CLASP2: variants seen among roughly 807,000 people sequenced by gnomAD.
CLASP2 encodes the protein CLIP-associating protein 2.
Under a neutral mutation model 194.4 loss-of-function variants are expected in CLASP2, and 47 were observed. The ratio of observed to expected loss-of-function variants is 0.24; its 90% CI spans 0.19 to 0.31. CLASP2 has a LOEUF of 0.31. CLASP2 is among the 10% of genes least tolerant of loss of function. The probability of loss-of-function intolerance (pLI) is 1.00; values close to 1 mark genes in which losing one functional copy is unlikely to be tolerated. For synonymous variants in CLASP2, 619 were observed against 633.5 expected (o/e 0.98, Z 0.34); for missense variants, 1,445 against 1,823.6 (o/e 0.79, Z 3.78).
At chr3:33,688,981 C>A (rs961042266) in intron 3 of CLASP2, among the ~76,000 whole-genome samples, 1 of 152,038 alleles carries the variant, frequency 6.6e-6, no homozygotes, top group Non-Finnish European at 1.5e-5. Flanking sequence ...TTTTTACAAA[C>A]GTAAAGCCAA....
chr3:33,653,286 G>C (rs1412394436), intron 7 of CLASP2, among the ~76,000 whole-genome samples: 1 of 151,770 alleles, frequency 6.6e-6, no homozygotes, highest in African/African-American at 2.4e-5. Flanking sequence ...CAAGCCATTA[G>C]AAAAATTTTC....
chr3:33,645,929 T>TATAC (rs893744534), intron 7 of CLASP2, among the ~76,000 whole-genome samples: 1 of 135,118 alleles, frequency 7.4e-6, no homozygotes, highest in Non-Finnish European at 1.6e-5. Flanking sequence ...TCTCCCAGCA[T>TATAC]ACACACACAC....
rs573773228 is a variant in CLASP2 at position 33,628,189 on chromosome 3, T to C, written c.943-1109A>G. Among the ~76,000 whole-genome samples, 6 of 152,254 alleles carry C rather than the reference T, an allele frequency of 3.9e-5. No homozygotes were observed. The East Asian group carries it at 1.2e-3, about 29-fold the overall frequency. The stretch of plus-strand genomic sequence containing the variant: ...GAGAGAAAGAAAGAATGCGTGTAAA[T>C]GCAAAGGAGAACAAGGCATGAGACA... On this transcript the variant is annotated intron_variant, in intron 9 of 38. Transcript: ENST00000682230.
chr3:33,545,002 A>G (rs764331063), intron 30 of CLASP2, 161 bp from the exon 31 acceptor site: 10 of 310,056 alleles, frequency 3.2e-5, no homozygotes, highest in Admixed American at 1.1e-4. Flanking sequence ...CTGGAAGGAT[A>G]AAAAAAAAAT....
intron 7 of CLASP2, among the ~76,000 whole-genome samples, chr3:33,654,150 A>G (rs1461226285): frequency 2.0e-5 from 3 of 152,204 alleles, no homozygotes; most frequent in Non-Finnish European, 2.9e-5. Context: ...ACCTTGCAGA[A>G]TAACAGAGAA....
At chr3:33,572,911 A>ATTT (rs80341372) in intron 25 of CLASP2, among the ~76,000 whole-genome samples, 199 bp downstream of exon 25, 12 of 139,534 alleles carry the variant, frequency 8.6e-5, no homozygotes, top group African/African-American at 3.1e-4. Flanking sequence ...AGAACAAATA[A>ATTT]TTTTTTTTTT....
Position 33,592,501 on chromosome 3 carries a change from G to T in CLASP2, c.1967-5C>A. 1.9e-6 allele frequency: 3 copies of T among 1,600,378 alleles called. No individual in the cohort carries two copies. The highest frequency in any genetic ancestry group is 2.6e-6 in the Non-Finnish European group (3 of 1,170,370). On this transcript the variant is annotated splice_region_variant and splice_polypyrimidine_tract_variant and intron_variant, in intron 20 of 38. Coordinates refer to ENST00000682230, the MANE Select transcript of CLASP2 (RefSeq NM_001365631.1). ...AAAGTTTTGCTCTCACCCGGCCTGA[G>T]AAATAAAATATTTACATAATTAAAA...
At chr3:33,558,024 A>G (rs937660048) in intron 29 of CLASP2, among the ~76,000 whole-genome samples, 4 of 152,214 alleles carry the variant, frequency 2.6e-5, no homozygotes, top group African/African-American at 9.6e-5. Context: ...ATGAGACTAG[A>G]AATCATCCCC....
intron 30 of CLASP2, among the ~76,000 whole-genome samples, chr3:33,548,024 C>T (rs1368972085): frequency 1.3e-5 from 2 of 152,026 alleles, no homozygotes. Flanking sequence ...AATCCACCTG[C>T]CTCAGCCTCC....
chr3:33,567,700 T>C (rs749510346), intron 26 of CLASP2, among the ~76,000 whole-genome samples: 9 of 152,232 alleles, frequency 5.9e-5, no homozygotes, highest in Non-Finnish European at 1.3e-4. Context: ...GTTTTACAGA[T>C]TAATAATTAA....
chr3:33,682,536 C>T (rs2090011758), intron 6 of CLASP2, among the ~76,000 whole-genome samples: 1 of 151,986 alleles, frequency 6.6e-6, no homozygotes, highest in African/African-American at 2.4e-5. Flanking sequence ...TTAAAAAATT[C>T]CTTTAGTGAA....
intron 6 of CLASP2, among the ~76,000 whole-genome samples, chr3:33,678,512 GTTTTC>G (rs1206954494): frequency 6.6e-6 from 1 of 152,000 alleles, no homozygotes; most frequent in Non-Finnish European, 1.5e-5. Flanking sequence ...ATTCTTTTTA[GTTTTC>G]TTTTCTACCA....
In CLASP2 at chr3:33,622,240, T is replaced by C. The variant is rs1460264982; in HGVS notation, c.1076A>G (p.Gln359Arg). The C allele has an allele frequency of 1.9e-6, 3 of 1,561,692 alleles. No individual in the cohort carries two copies. The highest frequency in any genetic ancestry group is 2.6e-6 in the Non-Finnish European group (3 of 1,154,116). Reference protein sequence around the residue: ...IRSLLVAGAAQYDCFFQHLRL... With the variant: ...IRSLLVAGAARYDCFFQHLRL... ...TAAATGTTGAAAAAAGCAATCATAC[T>C]GTGCAGCTCCAGCAACAAGCAGTGA... The change falls in exon 11 of 39, where the codon CAG becomes CGG. Residue 359 changes from glutamine to arginine, a missense_variant. By Grantham distance (43) the Gln-to-Arg change is conservative. This residue lies in a region of CLASP2 where 207 missense variants were observed against 331.4 expected (regional missense o/e 0.62). Coordinates refer to ENST00000682230, the MANE Select transcript of CLASP2 (RefSeq NM_001365631.1).
intron 27 of CLASP2, among the ~76,000 whole-genome samples, chr3:33,566,056 C>A (rs1040357725): frequency 3.2e-4 from 49 of 152,180 alleles, no homozygotes; most frequent in African/African-American, 1.1e-3. Flanking sequence ...CATTCATTAT[C>A]CATATCCAAA....
At chr3:33,585,821 G>T (rs895195568) in intron 21 of CLASP2, among the ~76,000 whole-genome samples, 1 of 151,674 alleles carries the variant, frequency 6.6e-6, no homozygotes, top group Non-Finnish European at 1.5e-5. Context: ...AAAAAAACCC[G>T]GTAATTCTAT....
intron 23 of CLASP2, 52 bp downstream of exon 23, chr3:33,581,769 A>G: frequency 2.4e-6 from 3 of 1,228,256 alleles, no homozygotes; most frequent in Non-Finnish European, 3.6e-6. Flanking sequence ...GTTAACAGAT[A>G]GTGATAACAC....
intron 1 of CLASP2, 120 bp downstream of exon 1, chr3:33,717,688 G>A: frequency 2.7e-6 from 3 of 1,097,508 alleles, no homozygotes; most frequent in Non-Finnish European, 3.9e-6. Flanking sequence ...GCTTCCCAAA[G>A]TGTGTTTCCC....
At chr3:33,667,460 A>G (rs1332561318) in intron 6 of CLASP2, among the ~76,000 whole-genome samples, 1 of 148,910 alleles carries the variant, frequency 6.7e-6, no homozygotes, top group African/African-American at 2.5e-5. Flanking sequence ...TACTCCCATA[A>G]TATGAGTTTT....
chr3:33,641,746 C>T (rs930963029), intron 8 of CLASP2, among the ~76,000 whole-genome samples: 5 of 151,348 alleles, frequency 3.3e-5, no homozygotes, highest in Admixed American at 3.3e-4. Flanking sequence ...CAAAGAAGCT[C>T]ACTGTATTTT....
Sources: allele counts gnomAD v4.1 joint callset (sites outside exome capture counted in the v4.1 genomes callset), GRCh38; gene constraint gnomAD v4.1.1; regional missense constraint gnomAD v4.1.1; transcripts MANE v1.5; gene names NCBI Gene and HGNC (gene_info 2026-07-23, HGNC 2026-07-21).